GPN3: variants seen among roughly 807,000 people sequenced by gnomAD.
GPN3 encodes ATP-binding domain 1 family member C.
Under a neutral mutation model 38.7 loss-of-function variants are expected in GPN3, and 31 were observed. The observed-to-expected ratio is 0.80, with a 90% CI of 0.60 to 1.08. The LOEUF is 1.08. Among genes scored for constraint, GPN3 ranks in the 50% least tolerant of loss-of-function variants. The pLI is 0.00. For synonymous variants in GPN3, 116 were observed against 120.2 expected (o/e 0.96, Z 0.23); for missense variants, 301 against 354.4 (o/e 0.85, Z 1.21).
rs1592964777 is a variant in GPN3, at chr12:110,460,902, T to C, written c.158-1040A>G. The C allele has an allele frequency of 8.5e-6, 6 of 706,016 alleles. No homozygotes were observed. The East Asian group carries it at 1.6e-4, about 19-fold the overall frequency. 43.7% of individuals were successfully genotyped at this position (706,016 alleles called of 1,614,324 possible). A position where few individuals can be genotyped will look rare whatever the true frequency, so the allele number is the denominator to read the frequency against. ...TCACTTGAACCCAGCAGGCAGAGGT[T>C]GCAGTGAGCCAAGATCACGCCACTG... On this transcript the variant is annotated intron_variant, in intron 2 of 7. Coordinates refer to ENST00000228827, the MANE Select transcript of GPN3 (RefSeq NM_016301.4).
At chr12:110,466,117 T>C (rs962713802) in intron 1 of GPN3, among the ~76,000 whole-genome samples, 1 of 151,990 alleles carries the variant, frequency 6.6e-6, no homozygotes, top group South Asian at 2.1e-4. Context: ...GTCTGTGTCA[T>C]ACTCTGTTTA....
chr12:110,457,696 G>C (rs2062560472), intron 3 of GPN3, 62 bp from the exon 4 acceptor site: 1 of 1,337,678 alleles, frequency 7.5e-7, no homozygotes, highest in African/African-American at 1.5e-5. Flanking sequence ...TCAAGTTAGA[G>C]GAAACAAATT....
chr12:110,468,614 G>A, upstream of GPN3: 2 of 1,537,168 alleles, frequency 1.3e-6, no homozygotes, highest in Non-Finnish European at 1.7e-6. Flanking sequence ...GAAGTGGAAG[G>A]CACCTCTTGT....
At chr12:110,453,209 C>A in intron 7 of GPN3, 113 bp from the exon 8 acceptor site, 1 of 577,122 alleles carries the variant, frequency 1.7e-6, no homozygotes, top group Non-Finnish European at 3.1e-6. Flanking sequence ...TTACCCAGCA[C>A]CAGCTCCAGG....
chr12:110,466,594 C>T (rs2062629469), intron 1 of GPN3, among the ~76,000 whole-genome samples: 1 of 151,328 alleles, frequency 6.6e-6, no homozygotes, highest in African/African-American at 2.4e-5. Context: ...GACCCAGGCT[C>T]AAGCGATTCT....
chr12:110,453,137 C>A (rs373767119), intron 7 of GPN3, 41 bp from the exon 8 acceptor site: 60 of 963,960 alleles, frequency 6.2e-5, no homozygotes, highest in Non-Finnish European at 9.6e-5. Flanking sequence ...ATATTCATTT[C>A]CCCTCAGTCA....
At chr12:110,468,359 C>A, upstream of GPN3, 1 of 1,528,822 alleles carries the variant, frequency 6.5e-7, no homozygotes, top group Non-Finnish European at 8.8e-7. Context: ...CGGGCCAAAT[C>A]CCGTGAGAAA....
At position 110,453,066 on chromosome 12, in the gene GPN3, C is replaced by T. The variant is rs754833965; in HGVS notation, c.823G>A (p.Asp275Asn). The T allele has an allele frequency of 1.4e-6, 2 of 1,481,230 alleles. No individual in the cohort carries two copies. The highest frequency in any genetic ancestry group is 3.4e-5 in the Admixed American group (2 of 59,428). 91.8% of individuals were successfully genotyped at this position (1,481,230 alleles called of 1,614,324 possible). The change falls in exon 8 of 8, where the codon GAC becomes AAC. Residue 275 changes from aspartate (D) to asparagine (N), a missense_variant. By Grantham distance (23) the Asp-to-Asn change is conservative. Coordinates refer to ENST00000228827, the MANE Select transcript of GPN3 (RefSeq NM_016301.4). ...TCCTGGCATTCTTGAAAATATTCGT[C>T]AAACATAGAGGAAGACTCATCTTCA... ...EREDESSSMF[D>N]EYFQECQDE
At position 110,466,998 on chromosome 12, in the gene GPN3, CTTT is replaced by C. The variant is rs113752739; in HGVS notation, c.48+1155_48+1157del. 3.5e-5 allele frequency among the ~76,000 whole-genome samples: 5 copies of C among 142,820 alleles called. No homozygotes were observed. In the East Asian group the frequency reaches 8.2e-4, roughly 23 times the overall value. The allele number at this position is 142,820 out of a possible 152,430, so 93.7% of individuals were successfully genotyped here. A position where few individuals can be genotyped will look rare whatever the true frequency, so the allele number is the denominator to read the frequency against. On this transcript the variant is annotated intron_variant, in intron 1 of 7. Coordinates refer to ENST00000228827, the MANE Select transcript of GPN3 (RefSeq NM_016301.4). Reference sequence around the variant, plus strand: ...AGACTCTAGTGTTTCCACACTTCTTCTTTTTTTTTTTTGCGACAGTACCTCTGT... The same window carrying C: ...AGACTCTAGTGTTTCCACACTTCTTCTTTTTTTTTGCGACAGTACCTCTGT...
intron 7 of GPN3, among the ~76,000 whole-genome samples, 172 bp from the exon 8 acceptor site, chr12:110,453,268 A>C (rs978404871): frequency 6.6e-6 from 1 of 152,080 alleles, no homozygotes. Context: ...TGATTGACAG[A>C]TTTTTTTCCA....
At chr12:110,467,703 C>A (rs1165256621) in intron 1 of GPN3, among the ~76,000 whole-genome samples, 3 of 152,092 alleles carry the variant, frequency 2.0e-5, no homozygotes, top group Non-Finnish European at 2.9e-5. Flanking sequence ...CCTAAAAGCA[C>A]CTTAAATACC....
intron 4 of GPN3, among the ~76,000 whole-genome samples, 195 bp downstream of exon 4, chr12:110,457,315 T>C (rs1187183184): frequency 6.6e-6 from 1 of 151,638 alleles, no homozygotes; most frequent in Non-Finnish European, 1.5e-5. Context: ...TAGCCAGGCA[T>C]GATGGCACAC....
At position 110,464,941 on chromosome 12, in the gene GPN3, C is replaced by T. The variant is rs144396813; in HGVS notation, c.157+165G>A. ...CAAAGACCAAGAAAGGATACTGTCA[C>T]ACATATCACCATGAACAGATGTGAC... is the stretch of plus-strand genomic sequence containing the variant. On this transcript the variant is annotated intron_variant, in intron 2 of 7. Coordinates refer to ENST00000228827, the MANE Select transcript of GPN3 (RefSeq NM_016301.4). The T allele has an allele frequency of 4.7e-5, 29 of 622,472 alleles. No individual in the cohort carries two copies. In the East Asian group the frequency reaches 8.0e-4, roughly 17 times the overall value. The allele number at this position is 622,472 out of a possible 1,614,324, so 38.6% of individuals were successfully genotyped here.
intron 6 of GPN3, 54 bp from the exon 7 acceptor site, chr12:110,453,925 A>C: frequency 1.4e-6 from 2 of 1,401,388 alleles, no homozygotes; most frequent in Non-Finnish European, 2.0e-6. Flanking sequence ...CAAAATACAT[A>C]ATTTTCAACT....
chr12:110,459,664 G>A, intron 3 of GPN3, 31 bp downstream of exon 3: 2 of 1,482,890 alleles, frequency 1.3e-6, no homozygotes, highest in Non-Finnish European at 1.9e-6. Flanking sequence ...AAGACTTTAA[G>A]GAAGACAATG....
At chr12:110,454,378 CTTTTT>C (rs571598225) in intron 6 of GPN3, among the ~76,000 whole-genome samples, 1 of 147,154 alleles carries the variant, frequency 6.8e-6, no homozygotes. Flanking sequence ...AAAACTTCAT[CTTTTT>C]TTTTCTTTTT....
At chr12:110,468,074 C>A in intron 1 of GPN3, 82 bp downstream of exon 1, 1 of 1,607,348 alleles carries the variant, frequency 6.2e-7, no homozygotes, top group South Asian at 1.1e-5. Flanking sequence ...GTACACACAC[C>A]CGCCGGCTCA....
Position 110,452,642 on chromosome 12 carries a change from T to TTA in GPN3, c.*390_*391dup, listed in dbSNP as rs766874818. Reference sequence around the variant, plus strand: ...GGGAAGATACAGATAAGCAGTGGTCTTATATATATCCTTGCAGCTTTTTCC... The same window carrying TTA: ...GGGAAGATACAGATAAGCAGTGGTCTTATATATATATCCTTGCAGCTTTTTCC... On this transcript the variant is annotated 3_prime_UTR_variant, in exon 8 of 8. Transcript: ENST00000228827. The TTA allele has an allele frequency of 5.2e-6, 1 of 191,860 alleles. No homozygotes were observed. The highest frequency in any genetic ancestry group is 1.1e-5 in the Non-Finnish European group (1 of 90,458). The allele number at this position is 191,860 out of a possible 1,614,324, so 11.9% of individuals were successfully genotyped here. A position where few individuals can be genotyped will look rare whatever the true frequency, so the allele number is the denominator to read the frequency against.
At chr12:110,462,061 T>A (rs2062593478) in intron 2 of GPN3, among the ~76,000 whole-genome samples, 1 of 152,156 alleles carries the variant, frequency 6.6e-6, no homozygotes, top group Non-Finnish European at 1.5e-5. Flanking sequence ...CAGGCTGGTC[T>A]TGAACTCCTG....
Sources: gnomAD v4.1 joint callset for allele counts (sites outside exome capture counted in the v4.1 genomes callset) on GRCh38, gnomAD v4.1.1 for gene constraint, MANE v1.5 for transcripts, NCBI Gene and HGNC (gene_info 2026-07-23, HGNC 2026-07-21) for gene names.